SLC35F2: variants seen among roughly 807,000 people sequenced by gnomAD.
SLC35F2 encodes solute carrier family 35 member F2.
In SLC35F2, 25 loss-of-function variants were observed where a neutral mutation model predicts 38.1. That is an observed-to-expected ratio of 0.66 (90% CI 0.48 to 0.92). SLC35F2 has a LOEUF of 0.92. Ranked by LOEUF, SLC35F2 falls within the 40% of genes least tolerant of loss-of-function variation. The pLI is 0.00. For missense variants in SLC35F2, 409 were observed against 452.9 expected (o/e 0.90, Z 0.88); for synonymous variants, 173 against 181.7 (o/e 0.95, Z 0.38).
At chr11:107,803,347 T>G in intron 6 of SLC35F2, 192 bp from the exon 7 acceptor site, 1 of 985,200 alleles carries the variant, frequency 1.0e-6, no homozygotes, top group Non-Finnish European at 1.2e-6. Flanking sequence ...CAAGTTGTGA[T>G]GTAGATAAAG....
intron 3 of SLC35F2, 89 bp downstream of exon 3, chr11:107,811,578 A>AT (rs1487276535): frequency 7.8e-7 from 1 of 1,274,186 alleles, no homozygotes; most frequent in African/African-American, 1.5e-5. Flanking sequence ...AAGTGAATAG[A>AT]TTTTCAATAA....
chr11:107,833,518 C>CAAAAAAAAAAAAAAAAAAAAAAAAAA (rs34376803), intron 1 of SLC35F2, among the ~76,000 whole-genome samples: 6 of 89,542 alleles, frequency 6.7e-5, no homozygotes, highest in African/African-American at 2.4e-4. Context: ...GACTCTGTCT[C>CAAAAAAAAAAAAAAAAAAAAAAAAAA]AAAAAAAAAA....
At position 107,825,187 on chromosome 11, in the gene SLC35F2, A is replaced by G. The variant is rs73003351; in HGVS notation, c.111-9222T>C. ...TGAATTTTTTGTTTTATTCTATTTT[A>G]ATTCATTTTCATTTAAATAACCACA... On this transcript the variant is annotated intron_variant, in intron 1 of 7. Coordinates refer to ENST00000525815, the MANE Select transcript of SLC35F2 (RefSeq NM_017515.5). Among the ~76,000 whole-genome samples the G allele has an allele frequency of 9.9e-3, 1,499 of 152,156 alleles. 13 individuals carry two copies. Among genetic ancestry groups the G allele is most frequent in the Non-Finnish European group, 0.016 (1,103 of 67,996 alleles).
rs201964530 is a variant in SLC35F2, at chr11:107,807,271, C to CAAAAAAAA, written c.415-403_415-396dup. Among the ~76,000 whole-genome samples the CAAAAAAAA allele has an allele frequency of 9.1e-3, 647 of 70,834 alleles. 23 individuals are homozygous for CAAAAAAAA. Among genetic ancestry groups the CAAAAAAAA allele is most frequent in the Non-Finnish European group, 0.013 (476 of 38,060 alleles). 46.5% of individuals were successfully genotyped at this position (70,834 alleles called of 152,430 possible). ...GCAACATGGTGAAACCCTGTCTGTACAAAAAAAAAAAAAAACAACAACAAA... is the reference window on the plus strand; with the variant it reads ...GCAACATGGTGAAACCCTGTCTGTACAAAAAAAAAAAAAAAAAAAAAAACAACAACAAA... On this transcript the variant is annotated intron_variant, in intron 3 of 7. Transcript: ENST00000525815.
intron 1 of SLC35F2, among the ~76,000 whole-genome samples, chr11:107,837,895 TG>T (rs1235743178): frequency 2.6e-5 from 4 of 152,034 alleles, no homozygotes; most frequent in African/African-American, 9.7e-5. Flanking sequence ...ATGGATTTTT[TG>T]CCACCCACCC....
At chr11:107,805,184 C>G (rs1859372641) in intron 5 of SLC35F2, 175 bp downstream of exon 5, 1 of 981,792 alleles carries the variant, frequency 1.0e-6, no homozygotes, top group Non-Finnish European at 1.2e-6. Context: ...TTTTAACAAT[C>G]CTCTAGTAGA....
intron 1 of SLC35F2, chr11:107,821,393 T>C (rs1859669781): frequency 1.0e-6 from 1 of 984,508 alleles, no homozygotes; most frequent in Non-Finnish European, 1.2e-6. Flanking sequence ...TGCACTTCTC[T>C]TGGCTCCAAA....
intron 6 of SLC35F2, among the ~76,000 whole-genome samples, chr11:107,803,978 A>G (rs1591186752): frequency 6.8e-6 from 1 of 146,988 alleles, no homozygotes; most frequent in Non-Finnish European, 1.5e-5. Context: ...GGCGCCCGCC[A>G]CCATGCCCGG....
Position 107,792,676 on chromosome 11 carries a change from A to G in SLC35F2, c.1064T>C (p.Ile355Thr). Reference sequence around the variant, plus strand: ...CTCCAGCTTCAGCCCCAGGTTGTCAATCCCAATGCTGGTGACTGGAGGCAC... The same window carrying G: ...CTCCAGCTTCAGCCCCAGGTTGTCAGTCCCAATGCTGGTGACTGGAGGCAC... ...SSVPPVTSIG[I>T]DNLGLKLEEN... Residue 355 changes from isoleucine (I) to threonine (T), a missense_variant, in exon 8 of 8, where the codon ATT (isoleucine) becomes ACT (threonine). Coordinates refer to ENST00000525815, the MANE Select transcript of SLC35F2 (RefSeq NM_017515.5). The G allele has an allele frequency of 6.2e-7, 1 of 1,613,876 alleles. No homozygotes were observed. Among genetic ancestry groups the G allele is most frequent in the Non-Finnish European group, 8.5e-7 (1 of 1,179,928 alleles).
rs151087517 is a variant in SLC35F2, at chr11:107,837,979, C to T, written c.110+20679G>A. 5.1e-3 allele frequency among the ~76,000 whole-genome samples: 707 copies of T among 139,514 alleles called. 4 individuals are homozygous for T. The highest frequency in any genetic ancestry group is 0.018 in the African/African-American group (675 of 37,916). 91.5% of individuals were successfully genotyped at this position (139,514 alleles called of 152,430 possible). A position where few individuals can be genotyped will look rare whatever the true frequency, so the allele number is the denominator to read the frequency against. ...TGGTAATAATAATTATGACATCTAA[C>T]ACTTATTGAGTGTATACTATATACC... On this transcript the variant is annotated intron_variant, in intron 1 of 7. Coordinates refer to ENST00000525815, the MANE Select transcript of SLC35F2 (RefSeq NM_017515.5).
chr11:107,849,277 A>T (rs1301921100), intron 1 of SLC35F2, among the ~76,000 whole-genome samples: 1 of 152,118 alleles, frequency 6.6e-6, no homozygotes, highest in African/African-American at 2.4e-5. Context: ...GGATAGATGG[A>T]GGCATGGATG....
chr11:107,843,636 A>G (rs181180818), intron 1 of SLC35F2, among the ~76,000 whole-genome samples: 2 of 151,868 alleles, frequency 1.3e-5, no homozygotes, highest in East Asian at 3.9e-4. Flanking sequence ...TGGGAGGATC[A>G]TTTGAGCCAG....
intron 1 of SLC35F2, among the ~76,000 whole-genome samples, chr11:107,852,811 G>C (rs1196673658): frequency 6.6e-6 from 1 of 150,980 alleles, no homozygotes; most frequent in East Asian, 1.9e-4. Flanking sequence ...GGAGGCGGAG[G>C]CTACAGTGAG....
chr11:107,833,970 C>T (rs1483566741), intron 1 of SLC35F2, among the ~76,000 whole-genome samples: 1 of 152,234 alleles, frequency 6.6e-6, no homozygotes, highest in Non-Finnish European at 1.5e-5. Context: ...CTAAATCTTT[C>T]ATTAGAGTTA....
intron 1 of SLC35F2, among the ~76,000 whole-genome samples, chr11:107,829,818 C>CA: frequency 6.6e-6 from 1 of 151,988 alleles, no homozygotes; most frequent in East Asian, 1.9e-4. Context: ...TAAAATTTAA[C>CA]AATCCCTTCA....
At chr11:107,819,576 T>C (rs527893330) in intron 1 of SLC35F2, among the ~76,000 whole-genome samples, 1 of 152,302 alleles carries the variant, frequency 6.6e-6, no homozygotes, top group Non-Finnish European at 1.5e-5. Context: ...GGTCTGAGGC[T>C]GCCCTATCCT....
At chr11:107,799,768 C>T (rs1397853191) in intron 7 of SLC35F2, among the ~76,000 whole-genome samples, 1 of 152,106 alleles carries the variant, frequency 6.6e-6, no homozygotes, top group Non-Finnish European at 1.5e-5. Context: ...CGGGGTTTCA[C>T]CATGTTGGCC....
chr11:107,844,310 A>T (rs947942787), intron 1 of SLC35F2, among the ~76,000 whole-genome samples: 2 of 152,110 alleles, frequency 1.3e-5, no homozygotes, highest in Non-Finnish European at 2.9e-5. Flanking sequence ...TAGCCATTAT[A>T]GTATTATAAT....
At chr11:107,805,175 T>C in intron 5 of SLC35F2, 184 bp downstream of exon 5, 1 of 984,418 alleles carries the variant, frequency 1.0e-6, no homozygotes, top group Non-Finnish European at 1.2e-6. Context: ...TTCTTGATGT[T>C]TTAACAATCC....
Sources: gnomAD v4.1 joint callset for allele counts (sites outside exome capture counted in the v4.1 genomes callset) on GRCh38, gnomAD v4.1.1 for gene constraint, MANE v1.5 for transcripts, NCBI Gene and HGNC (gene_info 2026-07-23, HGNC 2026-07-21) for gene names.